Variants in DTX2 observed in about 807,000 individuals in gnomAD.
DTX2 encodes deltex E3 ubiquitin ligase 2.
In DTX2, 29 loss-of-function variants were observed where a neutral mutation model predicts 55.3. The observed-to-expected ratio is 0.52, with a 90% CI of 0.39 to 0.71. The LOEUF (loss-of-function observed/expected upper bound fraction) is 0.71, where lower values mean the gene tolerates loss of function less well. Among genes scored for constraint, DTX2 ranks in the 30% least tolerant of loss-of-function variants. The pLI is 0.00. For missense variants in DTX2, 537 were observed against 822.5 expected (o/e 0.65, Z 4.25); for synonymous variants, 276 against 340.4 (o/e 0.81, Z 2.08).
chr7:76,468,075 G>T (rs1233027641), intron 2 of DTX2, among the ~76,000 whole-genome samples: 1 of 152,304 alleles, frequency 6.6e-6, no homozygotes, highest in African/African-American at 2.4e-5. Flanking sequence ...ATGGAGAGAG[G>T]AGGGGAGGAG....
Position 76,498,780 on chromosome 7 carries a change from C to T in DTX2, c.1150+1303C>T, listed in dbSNP as rs1399065293. Among the ~76,000 whole-genome samples the T allele has an allele frequency of 4.4e-4, 15 of 34,050 alleles. 1 individual carries two copies. The highest frequency in any genetic ancestry group is 2.3e-3 in the Admixed American group (7 of 3,066). 22.3% of individuals were successfully genotyped at this position (34,050 alleles called of 152,430 possible). On this transcript the variant is annotated intron_variant, in intron 6 of 10. Coordinates refer to ENST00000430490, the MANE Select transcript of DTX2 (RefSeq NM_001102594.3). ...TCGCCACCGTGACAGGATTTGGGTT[C>T]GGGCAGTCTGTATGGGTGTGTGGAG...
intron 8 of DTX2, 88 bp downstream of exon 8, chr7:76,502,544 G>C (rs1198614665): frequency 2.7e-6 from 4 of 1,455,824 alleles, no homozygotes; most frequent in Non-Finnish European, 3.7e-6. Flanking sequence ...TTCCGGGGGT[G>C]GCTGTAGGAA....
rs772212863 is a variant in DTX2 at position 76,480,623 on chromosome 7, C to T, written c.114C>T (p.Val38=). Reference sequence around the variant, plus strand: ...CCTGGCACCCCTACAGTGCCACCGTCTGCAGCTTCATCGAGCAGCAGTTTG... The same window carrying T: ...CCTGGCACCCCTACAGTGCCACCGTTTGCAGCTTCATCGAGCAGCAGTTTG... ...LGTWHPYSAT[V]CSFIEQQFVQ... is the part of the protein sequence containing the mutation. The change falls in exon 3 of 11, where the codon GTC becomes GTT. Residue 38 remains valine (V), a synonymous_variant. Coordinates refer to ENST00000430490, the MANE Select transcript of DTX2 (RefSeq NM_001102594.3). The T allele has an allele frequency of 4.3e-6, 7 of 1,613,594 alleles. No individual in the cohort carries two copies. Among genetic ancestry groups the T allele is most frequent in the Non-Finnish European group, 5.9e-6 (7 of 1,179,942 alleles).
chr7:76,491,276 G>A (rs538792507), intron 4 of DTX2, among the ~76,000 whole-genome samples: 29 of 148,696 alleles, frequency 2.0e-4, no homozygotes, highest in Non-Finnish European at 3.0e-4. Flanking sequence ...GATTATAGGC[G>A]TGAGCCACTG....
At chr7:76,491,839 G>C (rs1428373273) in intron 4 of DTX2, among the ~76,000 whole-genome samples, 1 of 131,558 alleles carries the variant, frequency 7.6e-6, no homozygotes, top group African/African-American at 2.9e-5. Context: ...ACACTTGGCA[G>C]ACTTTTAAAA....
chr7:76,504,108 A>G (rs1812061483), intron 9 of DTX2, among the ~76,000 whole-genome samples: 1 of 113,032 alleles, frequency 8.8e-6, no homozygotes, highest in African/African-American at 3.2e-5. Flanking sequence ...GTGGGAAGAT[A>G]ACGGGGCAGC....
At chr7:76,478,093 G>A (rs1392630628) in intron 2 of DTX2, 2,336 of 143,054 alleles carry the variant, frequency 0.016, 47 homozygotes, top group African/African-American at 0.06. Flanking sequence ...GTGACAACAC[G>A]CCCATGAAGG....
chr7:76,503,355 C>A, intron 8 of DTX2, 71 bp from the exon 9 acceptor site: 2 of 1,524,846 alleles, frequency 1.3e-6, no homozygotes, highest in Admixed American at 2.0e-5. Flanking sequence ...CCTTTACCAT[C>A]TGACGGTGGA....
At chr7:76,464,152 G>A (rs62475626) in intron 2 of DTX2, among the ~76,000 whole-genome samples, 1 of 151,232 alleles carries the variant, frequency 6.6e-6, no homozygotes, top group East Asian at 2.0e-4. Context: ...CCAGAAAGGG[G>A]ACGGTTAGAG....
intron 2 of DTX2, among the ~76,000 whole-genome samples, chr7:76,464,301 C>T (rs567487442): frequency 1.9e-3 from 279 of 149,832 alleles, no homozygotes; most frequent in African/African-American, 6.1e-3. Context: ...CACAGCTGGG[C>T]TACTGTAAGT....
At chr7:76,483,336 G>A (rs1809541271) in intron 4 of DTX2, among the ~76,000 whole-genome samples, 189 bp downstream of exon 4, 1 of 152,188 alleles carries the variant, frequency 6.6e-6, no homozygotes, top group South Asian at 2.1e-4. Flanking sequence ...CCTTGTACCT[G>A]AGTCCTGGCG....
At chr7:76,480,815 C>T (rs771972559) in intron 3 of DTX2, 38 bp downstream of exon 3, 103 of 1,537,982 alleles carry the variant, frequency 6.7e-5, no homozygotes, top group Non-Finnish European at 8.1e-5. Flanking sequence ...ATCTGGGTGC[C>T]GCACCTGCTT....
intron 4 of DTX2, among the ~76,000 whole-genome samples, chr7:76,489,901 AC>A (rs1296340102): frequency 2.9e-5 from 4 of 136,872 alleles, no homozygotes; most frequent in Non-Finnish European, 6.5e-5. Context: ...AAAAAAAAAA[AC>A]AACAACCTTT....
intron 3 of DTX2, 69 bp from the exon 4 acceptor site, chr7:76,482,439 A>C (rs1271587104): frequency 1.3e-6 from 2 of 1,492,160 alleles, no homozygotes; most frequent in African/African-American, 2.8e-5. Context: ...CGGTTGAAAA[A>C]AGAATTTGAA....
intron 4 of DTX2, 187 bp from the exon 5 acceptor site, chr7:76,491,966 C>T (rs1810482755): frequency 3.5e-6 from 2 of 574,408 alleles, no homozygotes; most frequent in Non-Finnish European, 6.3e-6. Context: ...TGAGCCACCA[C>T]ACCCCTCCTG....
At chr7:76,469,532 A>G (rs1584124034) in intron 2 of DTX2, among the ~76,000 whole-genome samples, 1 of 150,456 alleles carries the variant, frequency 6.6e-6, no homozygotes, top group East Asian at 2.0e-4. Context: ...AACTGGGACT[A>G]CAGGCGCTCG....
At chr7:76,498,396 C>T (rs1811172651) in intron 6 of DTX2, among the ~76,000 whole-genome samples, 2 of 151,620 alleles carry the variant, frequency 1.3e-5, no homozygotes, top group African/African-American at 4.8e-5. Context: ...TTCCCCTGCC[C>T]TGGGGGAGGA....
chr7:76,475,437 A>G (rs1224968408), intron 2 of DTX2, among the ~76,000 whole-genome samples: 2 of 150,812 alleles, frequency 1.3e-5, no homozygotes, highest in Non-Finnish European at 3.0e-5. Context: ...CTGTAATCCC[A>G]GCACTTTGGG....
At chr7:76,495,840 G>A (rs1055040840) in intron 5 of DTX2, among the ~76,000 whole-genome samples, 4 of 149,964 alleles carry the variant, frequency 2.7e-5, no homozygotes, top group Middle Eastern at 3.5e-3. Flanking sequence ...AGGCCTGCCC[G>A]CTGAGGCAGT....
Sources: allele counts gnomAD v4.1 joint callset (sites outside exome capture counted in the v4.1 genomes callset), GRCh38; gene constraint gnomAD v4.1.1; transcripts MANE v1.5; gene names NCBI Gene and HGNC (gene_info 2026-07-23, HGNC 2026-07-21).